Variants in IFNL1 observed in about 807,000 individuals in gnomAD.
IFNL1 encodes the protein interferon lambda-1.
IFNL1 carries 16 observed loss-of-function variants against 17.1 expected under a neutral mutation model. That is an observed-to-expected ratio of 0.93 (90% CI 0.63 to 1.42). The LOEUF (loss-of-function observed/expected upper bound fraction) is 1.42, where lower values mean the gene tolerates loss of function less well. Ranked by LOEUF, IFNL1 falls within the 40% of genes most tolerant of loss-of-function variation. The pLI, the probability that IFNL1 is intolerant of heterozygous loss-of-function variation, is 0.00. For synonymous variants in IFNL1, 104 were observed against 111.4 expected, an observed-to-expected ratio of 0.93 and a Z score of 0.42; for missense variants, 262 against 249.4, an observed-to-expected ratio of 1.05 and a Z score of -0.34.
intron 1 of IFNL1, 86 bp from the exon 2 acceptor site, chr19:39,296,719 A>T (rs2075100297): frequency 6.6e-7 from 1 of 1,506,368 alleles, no homozygotes; most frequent in African/African-American, 1.4e-5. Context: ...GGTTAAACCC[A>T]TGCTGTCAGG....
rs752512425 is a variant in IFNL1, at chr19:39,298,198, C to A, written c.394-15C>A. On this transcript the variant is annotated splice_polypyrimidine_tract_variant and intron_variant, in intron 3 of 4. Transcript: ENST00000333625. The stretch of plus-strand genomic sequence containing the variant: ...CCCAGGCTCCGCCTCACACACCGCC[C>A]TCTTCTGCCCACAGATCCAGCCTCA... 6.2e-7 allele frequency: 1 copy of A among 1,613,962 alleles called. No individual in the cohort carries two copies. The highest frequency in any genetic ancestry group is 2.2e-5 in the East Asian group (1 of 44,882).
At chr19:39,297,835 C>T in intron 2 of IFNL1, 129 bp from the exon 3 acceptor site, 1 of 1,185,410 alleles carries the variant, frequency 8.4e-7, no homozygotes, top group Non-Finnish European at 1.2e-6. Context: ...TCTCCTTCTC[C>T]CCAGACCCCT....
At chr19:39,296,983 C>A in intron 2 of IFNL1, 101 bp downstream of exon 2, 1 of 835,918 alleles carries the variant, frequency 1.2e-6, no homozygotes, top group Non-Finnish European at 2.0e-6. Context: ...CCTTCACTCT[C>A]TTGGACCTCT....
intron 2 of IFNL1, among the ~76,000 whole-genome samples, chr19:39,297,616 A>G (rs974545220): frequency 1.3e-5 from 2 of 151,630 alleles, no homozygotes; most frequent in Admixed American, 6.6e-5. Context: ...CACCACACCC[A>G]GCCCTACCCT....
chr19:39,297,915 G>T, intron 2 of IFNL1, 49 bp from the exon 3 acceptor site: 1 of 1,610,606 alleles, frequency 6.2e-7, no homozygotes. Flanking sequence ...CCACTAACTG[G>T]GTCTTCTTGC....
Position 39,296,516 on chromosome 19 carries a change from A to C in IFNL1, c.95A>C (p.Lys32Thr), listed in dbSNP as rs759105073. ...VPTSKPTTTGKGCHIGRFKSL... is the reference protein window; with the variant it reads ...VPTSKPTTTGTGCHIGRFKSL... ...ACTTCCAAGCCCACCACAACTGGGA[A>C]GGGCTGCCACATTGGCAGGTTCAAA... Residue 32 changes from lysine (K) to threonine (T), a missense_variant, in exon 1 of 5, where the codon AAG (lysine) becomes ACG (threonine). By Grantham distance (78) the Lys-to-Thr change is moderately conservative. Coordinates refer to ENST00000333625, the MANE Select transcript of IFNL1 (RefSeq NM_172140.2). The C allele has an allele frequency of 6.2e-7, 1 of 1,613,792 alleles. No individual in the cohort carries two copies. The highest frequency in any genetic ancestry group is 2.2e-5 in the East Asian group (1 of 44,872).
rs1381844848 is a variant in IFNL1, at chr19:39,298,630, T to C, written c.*114T>C. ...GAGACATAGGGCTGAGTTTATTGTT[T>C]TACTTTTATACATTATGCACAAATA... On this transcript the variant is annotated 3_prime_UTR_variant, in exon 5 of 5. Transcript: ENST00000333625. The C allele has an allele frequency of 1.5e-6, 2 of 1,300,482 alleles. No homozygotes were observed. Among genetic ancestry groups the C allele is most frequent in the East Asian group, 2.3e-5 (1 of 43,096 alleles). 80.6% of individuals were successfully genotyped at this position (1,300,482 alleles called of 1,614,324 possible).
Position 39,298,305 on chromosome 19 carries a change from C to T in IFNL1, c.477+9C>T, listed in dbSNP as rs1210367772. Reference sequence around the variant, plus strand: ...AGGAGGCCCCCAAAAAGGTGAGTGACCCAGGAAGAGAAGGACCAGGGTCTG... The same window carrying T: ...AGGAGGCCCCCAAAAAGGTGAGTGATCCAGGAAGAGAAGGACCAGGGTCTG... On this transcript the variant is annotated intron_variant, in intron 4 of 4. Transcript: ENST00000333625. 3 of 1,614,136 alleles carry T rather than the reference C, an allele frequency of 1.9e-6. No homozygotes were observed. Among genetic ancestry groups the T allele is most frequent in the Non-Finnish European group, 2.5e-6 (3 of 1,180,002 alleles).
At position 39,296,412 on chromosome 19, in the gene IFNL1, C is replaced by T. The variant is rs764063648; in HGVS notation, c.-10C>T. Reference sequence around the variant, plus strand: ...AGCCATGCCGCTGGGGAAGCAGTTGCGATTTAGCCATGGCTGCAGCTTGGA... The same window carrying T: ...AGCCATGCCGCTGGGGAAGCAGTTGTGATTTAGCCATGGCTGCAGCTTGGA... On this transcript the variant is annotated 5_prime_UTR_variant, in exon 1 of 5. Transcript: ENST00000333625. The T allele has an allele frequency of 3.1e-6, 5 of 1,605,846 alleles. No homozygotes were observed. The highest frequency in any genetic ancestry group is 4.2e-6 in the Non-Finnish European group (5 of 1,178,530).
rs145598505 is a variant in IFNL1 at position 39,298,538 on chromosome 19, G to A, written c.*22G>A. 257 of 1,613,560 alleles carry A rather than the reference G, an allele frequency of 1.6e-4. No individual in the cohort carries two copies. The highest frequency in any genetic ancestry group is 8.3e-4 in the Middle Eastern group (5 of 6,060). On this transcript the variant is annotated 3_prime_UTR_variant, in exon 5 of 5. Transcript: ENST00000333625. ...CTGACACCCCACACCTTATTTATGC[G>A]CTGAGCCCTACTCCTTCCTTAATTT... is the stretch of plus-strand genomic sequence containing the variant.
chr19:39,297,689 G>A (rs1390788648), intron 2 of IFNL1, among the ~76,000 whole-genome samples: 4 of 148,422 alleles, frequency 2.7e-5, no homozygotes, highest in Admixed American at 1.3e-4. Context: ...CTCCTCACCC[G>A]TCCCCACCCC....
At position 39,298,485 on chromosome 19, in the gene IFNL1, T is replaced by C. The variant is rs771967295; in HGVS notation, c.572T>C (p.Leu191Pro). The C allele has an allele frequency of 1.9e-6, 3 of 1,614,186 alleles. No individual in the cohort carries two copies. The highest frequency in any genetic ancestry group is 2.5e-6 in the Non-Finnish European group (3 of 1,180,028). ...LKYVADGNLC[L>P]RTSTHPEST ...TATGTGGCCGATGGGAACCTGTGTC[T>C]GAGAACGTCAACCCACCCTGAGTCC... Residue 191 changes from leucine to proline, a missense_variant, in exon 5 of 5, where the codon CTG becomes CCG. Coordinates refer to ENST00000333625, the MANE Select transcript of IFNL1 (RefSeq NM_172140.2).
rs770973120 is a variant in IFNL1, at chr19:39,298,496, A to C, written c.583A>C (p.Thr195Pro). The stretch of plus-strand genomic sequence containing the variant: ...TGGGAACCTGTGTCTGAGAACGTCA[A>C]CCCACCCTGAGTCCACCTGACACCC... ...ADGNLCLRTS[T>P]HPEST Residue 195 changes from threonine (T) to proline (P), a missense_variant, in exon 5 of 5, where the codon ACC (threonine) becomes CCC (proline). Physicochemically the swap from Thr to Pro is conservative, Grantham distance 38. Transcript: ENST00000333625. 18 of 1,614,070 alleles carry C rather than the reference A, an allele frequency of 1.1e-5. No homozygotes were observed. The highest frequency in any genetic ancestry group is 1.5e-5 in the Non-Finnish European group (18 of 1,179,998).
At position 39,296,432 on chromosome 19, in the gene IFNL1, C is replaced by T. The variant is rs1421894170; in HGVS notation, c.11C>T (p.Ala4Val). ...AGTTGCGATTTAGCCATGGCTGCAG[C>T]TTGGACCGTGGTGCTGGTGACTTTG... Reference protein sequence around the residue: MAAAWTVVLVTLVL... With the variant: MAAVWTVVLVTLVL... The change falls in exon 1 of 5, where the codon GCT becomes GTT. Residue 4 changes from alanine to valine, a missense_variant. Coordinates refer to ENST00000333625, the MANE Select transcript of IFNL1 (RefSeq NM_172140.2). 6.2e-7 allele frequency: 1 copy of T among 1,610,742 alleles called. No individual in the cohort carries two copies. The highest frequency in any genetic ancestry group is 1.7e-5 in the Admixed American group (1 of 59,378).
Position 39,298,397 on chromosome 19 carries a change from G to A in IFNL1, c.484G>A (p.Ala162Thr), listed in dbSNP as rs140851362. Residue 162 changes from alanine to threonine, a missense_variant, in exon 5 of 5, where the codon GCT becomes ACT. By Grantham distance (58) the Ala-to-Thr change is moderately conservative. Transcript: ENST00000333625. The stretch of plus-strand genomic sequence containing the variant: ...ATCCCCTCCTCCCCTACAGGAGTCC[G>A]CTGGCTGCCTGGAGGCATCTGTCAC... ...RLQEAPKKES[A>T]GCLEASVTFN... is the part of the protein sequence containing the mutation. 30 of 1,614,050 alleles carry A rather than the reference G, an allele frequency of 1.9e-5. No individual in the cohort carries two copies. Among genetic ancestry groups the A allele is most frequent in the African/African-American group, 4.0e-5 (3 of 74,928 alleles).
In IFNL1 at chr19:39,298,479, T is replaced by C. The variant is rs150836308; in HGVS notation, c.566T>C (p.Leu189Pro). Residue 189 changes from leucine (L) to proline (P), a missense_variant, in exon 5 of 5, where the codon CTG (leucine) becomes CCG (proline). By Grantham distance (98) the Leu-to-Pro change is moderately conservative. Coordinates refer to ENST00000333625, the MANE Select transcript of IFNL1 (RefSeq NM_172140.2). The stretch of plus-strand genomic sequence containing the variant: ...CTCAAATATGTGGCCGATGGGAACC[T>C]GTGTCTGAGAACGTCAACCCACCCT... ...RDLKYVADGN[L>P]CLRTSTHPES... 58 of 1,614,068 alleles carry C rather than the reference T, an allele frequency of 3.6e-5. No homozygotes were observed. The African/African-American group carries it at 6.7e-4, about 19-fold the overall frequency.
Position 39,298,247 on chromosome 19 carries a change from G to A in IFNL1, c.428G>A (p.Arg143Gln), listed in dbSNP as rs771064748. 3.2e-5 allele frequency: 52 copies of A among 1,614,014 alleles called. No homozygotes were observed. The highest frequency in any genetic ancestry group is 3.3e-4 in the Middle Eastern group (2 of 6,034). The change falls in exon 4 of 5, where the codon CGG (arginine) becomes CAG (glutamine). Residue 143 changes from arginine (R) to glutamine (Q), a missense_variant. Coordinates refer to ENST00000333625, the MANE Select transcript of IFNL1 (RefSeq NM_172140.2). ...QPQPTAGPRP[R>Q]GRLHHWLHRL... Reference sequence around the variant, plus strand: ...CAGCCCACAGCAGGGCCCAGGCCCCGGGGCCGCCTCCACCACTGGCTGCAC... The same window carrying A: ...CAGCCCACAGCAGGGCCCAGGCCCCAGGGCCGCCTCCACCACTGGCTGCAC...
chr19:39,297,305 C>T (rs1568564711), intron 2 of IFNL1, among the ~76,000 whole-genome samples: 2 of 146,318 alleles, frequency 1.4e-5, no homozygotes, highest in Non-Finnish European at 3.0e-5. Flanking sequence ...CTCATCCACC[C>T]TTCTCTTTTT....
rs758891995 is a variant in IFNL1 at position 39,298,369 on chromosome 19, C to A, written c.478-22C>A. 1.1e-5 allele frequency: 17 copies of A among 1,614,206 alleles called. No homozygotes were observed. In the East Asian group the frequency reaches 3.6e-4, roughly 34 times the overall value. On this transcript the variant is annotated intron_variant, in intron 4 of 4. Coordinates refer to ENST00000333625, the MANE Select transcript of IFNL1 (RefSeq NM_172140.2). ...AGCCCAGACCCTGGACAGCCCCTGA[C>A]CCATCCCCTCCTCCCCTACAGGAGT...
Sources: gnomAD v4.1 joint callset for allele counts (sites outside exome capture counted in the v4.1 genomes callset) on GRCh38, gnomAD v4.1.1 for gene constraint, MANE v1.5 for transcripts, NCBI Gene and HGNC (gene_info 2026-07-23, HGNC 2026-07-21) for gene names.